Variants in FMNL1 observed in about 807,000 individuals in gnomAD.
FMNL1 encodes formin like 1.
A neutral mutation model predicts 121.3 loss-of-function variants in FMNL1; 43 were observed. The observed-to-expected ratio is 0.35, with a 90% confidence interval of 0.28 to 0.46. FMNL1 has a LOEUF of 0.46. Ranked by LOEUF, FMNL1 falls within the 20% of genes least tolerant of loss-of-function variation. FMNL1 has a pLI of 1.00. For missense variants in FMNL1, 1,191 were observed against 1,482.4 expected (o/e 0.80, Z 3.23); for synonymous variants, 613 against 613.5 (o/e 1.00, Z 0.01).
chr17:45,222,328 C>T, intron 1 of FMNL1, 75 bp downstream of exon 1: 3 of 1,096,222 alleles, frequency 2.7e-6, no homozygotes, highest in Non-Finnish European at 3.3e-6. Context: ...GCGCGCGTCC[C>T]CGCCCCCGGG....
At chr17:45,236,355 C>A in intron 7 of FMNL1, 111 bp downstream of exon 7, 2 of 877,138 alleles carry the variant, frequency 2.3e-6, no homozygotes, top group Non-Finnish European at 3.5e-6. Flanking sequence ...CTGTGCTGTG[C>A]TGGGGAACTT....
intron 1 of FMNL1, among the ~76,000 whole-genome samples, chr17:45,224,561 C>T (rs1318212204): frequency 2.0e-5 from 3 of 152,198 alleles, no homozygotes; most frequent in Admixed American, 6.5e-5. Context: ...CTTCCTTCCC[C>T]TTTTGTCCCT....
At chr17:45,242,174 G>A (rs1426212838) in intron 15 of FMNL1, 28 bp downstream of exon 15, 1 of 1,526,534 alleles carries the variant, frequency 6.6e-7, no homozygotes. Context: ...CCTTGGGCCC[G>A]GGGCTGGGGG....
intron 17 of FMNL1, among the ~76,000 whole-genome samples, 195 bp downstream of exon 17, chr17:45,243,515 C>T (rs1401024065): frequency 6.6e-6 from 1 of 152,228 alleles, no homozygotes; most frequent in Non-Finnish European, 1.5e-5. Context: ...GTCCCACTTC[C>T]TCCCTGCCTC....
rs572386528 is a variant in FMNL1, at chr17:45,246,853, C to T, written c.*9-14C>T. On this transcript the variant is annotated splice_polypyrimidine_tract_variant and intron_variant, in intron 26 of 26. Transcript: ENST00000331495. ...GGACTCCTGAATGGTAAATGTGTCT[C>T]CTTCGGCTGCCAGATCTGCGGAACC... 7 of 716,262 alleles carry T rather than the reference C, an allele frequency of 9.8e-6. No homozygotes were observed. The highest frequency in any genetic ancestry group is 1.5e-5 in the South Asian group (1 of 68,452). The allele number at this position is 716,262 out of a possible 1,614,324, so 44.4% of individuals were successfully genotyped here.
Position 45,222,169 on chromosome 17 carries a change from C to G in FMNL1, c.45C>G (p.Ala15=). Residue 15 remains alanine (A), a synonymous_variant, in exon 1 of 27, where the codon GCC becomes GCG. Coordinates refer to ENST00000331495, the MANE Select transcript of FMNL1 (RefSeq NM_005892.4). ...GCGCCGAGCAGCCCGCGGGCCCCGC[C>G]GCGCCGCCCCCCAAGCAGCCCGCGC... ...AGSAEQPAGP[A]APPPKQPAPP... is the part of the protein sequence containing the mutation. 8.2e-7 allele frequency: 1 copy of G among 1,216,548 alleles called. No individual in the cohort carries two copies. Among genetic ancestry groups the G allele is most frequent in the Non-Finnish European group, 1.0e-6 (1 of 978,778 alleles). 75.4% of individuals were successfully genotyped at this position (1,216,548 alleles called of 1,614,324 possible). A position where few individuals can be genotyped will look rare whatever the true frequency, so the allele number is the denominator to read the frequency against.
chr17:45,235,371 G>A (rs1357586648), intron 6 of FMNL1, among the ~76,000 whole-genome samples: 1 of 152,216 alleles, frequency 6.6e-6, no homozygotes, highest in Non-Finnish European at 1.5e-5. Flanking sequence ...AGGCTTTACA[G>A]GCAGCCATGG....
rs767703556 is a variant in FMNL1 at position 45,238,668 on chromosome 17, C to T, written c.969+30C>T. 1.9e-5 allele frequency: 30 copies of T among 1,613,412 alleles called. No homozygotes were observed. The South Asian group carries it at 3.0e-4, about 16-fold the overall frequency. On this transcript the variant is annotated intron_variant, in intron 10 of 26. Transcript: ENST00000331495. The stretch of plus-strand genomic sequence containing the variant: ...GCTCAGGAGCCCAGCAGCCTGAGGC[C>T]TGGGCCAGGCCCTCTTGGGTGCAGG...
At chr17:45,225,850 G>C (rs534322633) in intron 1 of FMNL1, among the ~76,000 whole-genome samples, 1 of 152,168 alleles carries the variant, frequency 6.6e-6, no homozygotes, top group East Asian at 1.9e-4. Flanking sequence ...CCTGTAAAAA[G>C]AGAATAATAA....
chr17:45,242,589 CAGGG>C, intron 16 of FMNL1, 124 bp downstream of exon 16: 1 of 1,418,988 alleles, frequency 7.0e-7, no homozygotes, highest in Non-Finnish European at 9.4e-7. Flanking sequence ...GGGGGAGGCC[CAGGG>C]ATGGGCATTA....
In FMNL1 at chr17:45,242,456, G is replaced by C; in HGVS notation, c.2001G>C (p.Lys667Asn). The C allele has an allele frequency of 6.2e-7, 1 of 1,613,316 alleles. No individual in the cohort carries two copies. The highest frequency in any genetic ancestry group is 1.1e-5 in the South Asian group (1 of 91,036). The change falls in exon 16 of 27, where the codon AAG becomes AAC. Residue 667 changes from lysine (K) to asparagine (N), a missense_variant. Lys to Asn is a moderately conservative substitution (Grantham distance 94). Around this residue, in one of 4 missense-constraint regions of FMNL1, gnomAD observed 519 missense variants for 492.8 expected, o/e 1.05. Coordinates refer to ENST00000331495, the MANE Select transcript of FMNL1 (RefSeq NM_005892.4). ...TCTTCACAGAGCTCAATGATGAGAA[G>C]GTGCTGCAGGTGAGTGGCCCTGCCT... ...GTVFTELNDEKVLQELDMSDF... is the reference protein window; with the variant it reads ...GTVFTELNDENVLQELDMSDF...
chr17:45,246,490 C>T lies in FMNL1; in HGVS notation c.3212-15C>T. 6.2e-7 allele frequency: 1 copy of T among 1,614,056 alleles called. No homozygotes were observed. Among genetic ancestry groups the T allele is most frequent in the Non-Finnish European group, 8.5e-7 (1 of 1,179,952 alleles). ...CCTTTCTCTACTCCCCTTCACCTGCCCCACCCCCACTCAGTGATCAAGACG... is the reference window on the plus strand; with the variant it reads ...CCTTTCTCTACTCCCCTTCACCTGCTCCACCCCCACTCAGTGATCAAGACG... On this transcript the variant is annotated splice_polypyrimidine_tract_variant and intron_variant, in intron 25 of 26. Coordinates refer to ENST00000331495, the MANE Select transcript of FMNL1 (RefSeq NM_005892.4).
Position 45,222,239 on chromosome 17 carries a change from T to A in FMNL1, c.115T>A (p.Phe39Ile). Reference sequence around the variant, plus strand: ...CGCGGCCGGAGAGCTGGAGGAGAGGTTCAACCGCGCCCTGGTGAGTGCGAC... The same window carrying A: ...CGCGGCCGGAGAGCTGGAGGAGAGGATCAACCGCGCCCTGGTGAGTGCGAC... ...MPAAGELEERFNRALNCMNLP... is the reference protein window; with the variant it reads ...MPAAGELEERINRALNCMNLP... The change falls in exon 1 of 27, where the codon TTC (phenylalanine) becomes ATC (isoleucine). Residue 39 changes from phenylalanine (F) to isoleucine (I), a missense_variant. Physicochemically the swap from Phe to Ile is conservative, Grantham distance 21. This residue lies in a region of FMNL1 where 253 missense variants were observed against 417.5 expected (regional missense o/e 0.61). Coordinates refer to ENST00000331495, the MANE Select transcript of FMNL1 (RefSeq NM_005892.4). 1 of 1,209,640 alleles carries A rather than the reference T, an allele frequency of 8.3e-7. No homozygotes were observed. The allele number at this position is 1,209,640 out of a possible 1,614,324, so 74.9% of individuals were successfully genotyped here.
intron 11 of FMNL1, 134 bp downstream of exon 11, chr17:45,239,199 C>A: frequency 1.5e-6 from 1 of 688,548 alleles, no homozygotes; most frequent in Non-Finnish European, 2.6e-6. Flanking sequence ...GCCGTGTGAC[C>A]TTGGATAGGC....
Position 45,246,217 on chromosome 17 carries a change from C to A in FMNL1, c.3098C>A (p.Pro1033Gln). 1 of 1,607,668 alleles carries A rather than the reference C, an allele frequency of 6.2e-7. No individual in the cohort carries two copies. Among genetic ancestry groups the A allele is most frequent in the Non-Finnish European group, 8.5e-7 (1 of 1,174,904 alleles). Residue 1033 changes from proline to glutamine, a missense_variant, in exon 25 of 27, where the codon CCA becomes CAA. Physicochemically the swap from Pro to Gln is moderately conservative, Grantham distance 76 (BLOSUM62 -1). Coordinates refer to ENST00000331495, the MANE Select transcript of FMNL1 (RefSeq NM_005892.4). ...GCTATAAATTCCCCCTAGTCACCGC[C>A]AAAGGCCCGGCGGCCACAGATGGAC... ...KGEPPAPKSP[P>Q]KARRPQMDLI...
In FMNL1 at chr17:45,223,348, C is replaced by T. The variant is rs545795029; in HGVS notation, c.129+1095C>T. Among the ~76,000 whole-genome samples the T allele has an allele frequency of 4.6e-5, 7 of 152,340 alleles. No homozygotes were observed. In the South Asian group the frequency reaches 8.3e-4, roughly 18 times the overall value. On this transcript the variant is annotated intron_variant, in intron 1 of 26. Transcript: ENST00000331495. ...CCATCTCCTTGACATCATTTCCCCT[C>T]GCCTGGCTGGTCATTAGGCCATACG... is the stretch of plus-strand genomic sequence containing the variant.
In FMNL1 at chr17:45,245,345, G is replaced by A; in HGVS notation, c.2821G>A (p.Val941Met). ...REFVRQDDCMVLKEFLRANSP... is the reference protein window; with the variant it reads ...REFVRQDDCMMLKEFLRANSP... ...GTTTGTGCGGCAGGATGACTGCATG[G>A]TGCTCAAGGAGTTCCTGAGGGCCAA... Residue 941 changes from valine to methionine, a missense_variant, in exon 22 of 27, where the codon GTG becomes ATG. By Grantham distance (21) the Val-to-Met change is conservative. This residue lies in a region of FMNL1 where 367 missense variants were observed against 528.6 expected (regional missense o/e 0.69). Coordinates refer to ENST00000331495, the MANE Select transcript of FMNL1 (RefSeq NM_005892.4). 1 of 1,614,226 alleles carries A rather than the reference G, an allele frequency of 6.2e-7. No homozygotes were observed. Among genetic ancestry groups the A allele is most frequent in the African/African-American group, 1.3e-5 (1 of 75,060 alleles).
chr17:45,235,778 T>G (rs908749134), intron 6 of FMNL1, among the ~76,000 whole-genome samples: 5 of 152,230 alleles, frequency 3.3e-5, no homozygotes, highest in Non-Finnish European at 7.3e-5. Flanking sequence ...GGGATGCGCC[T>G]GAACCCTGGC....
Position 45,245,860 on chromosome 17 carries a change from G to A in FMNL1, c.2995-18G>A. The A allele has an allele frequency of 6.3e-7, 1 of 1,598,320 alleles. No individual in the cohort carries two copies. Among genetic ancestry groups the A allele is most frequent in the Non-Finnish European group, 8.5e-7 (1 of 1,172,630 alleles). Reference sequence around the variant, plus strand: ...CAGTAGGGAGGGCCACCCTCATGGAGACTGCCTTGGCCCACAGAAAGCTGA... The same window carrying A: ...CAGTAGGGAGGGCCACCCTCATGGAAACTGCCTTGGCCCACAGAAAGCTGA... On this transcript the variant is annotated intron_variant, in intron 23 of 26. Coordinates refer to ENST00000331495, the MANE Select transcript of FMNL1 (RefSeq NM_005892.4).
Sources: allele counts gnomAD v4.1 joint callset (sites outside exome capture counted in the v4.1 genomes callset), GRCh38; gene constraint gnomAD v4.1.1; regional missense constraint gnomAD v4.1.1; transcripts MANE v1.5; gene names NCBI Gene and HGNC (gene_info 2026-07-23, HGNC 2026-07-21).